PCDH11X: variants seen among roughly 807,000 people sequenced by gnomAD.
The protein encoded by PCDH11X is protocadherin 11 X-linked.
In PCDH11X, 18 loss-of-function variants were observed where a neutral mutation model predicts 53.3. The ratio of observed to expected loss-of-function variants is 0.34; its 90% CI spans 0.23 to 0.50. The LOEUF (loss-of-function observed/expected upper bound fraction) is 0.50, where lower values mean the gene tolerates loss of function less well. Among genes scored for constraint, PCDH11X ranks in the 20% least tolerant of loss-of-function variants. PCDH11X has a pLI of 0.98. For missense variants in PCDH11X, 570 were observed against 1,032.4 expected, an observed-to-expected ratio of 0.55 and a Z score of 6.14; for synonymous variants, 279 against 393.3, an observed-to-expected ratio of 0.71 and a Z score of 3.44.
chrX:91,923,779 A>T (rs1433479146), intron 6 of PCDH11X, among the ~76,000 whole-genome samples: 2 of 111,266 alleles, frequency 1.8e-5, no homozygotes, highest in East Asian at 5.7e-4. Context: ...TCCTAAGTGG[A>T]TTAATGCAAG....
At chrX:92,482,575 G>C (rs991222585) in intron 10 of PCDH11X, among the ~76,000 whole-genome samples, 31 of 111,464 alleles carry the variant, frequency 2.8e-4, no homozygotes, top group African/African-American at 1.0e-3. Flanking sequence ...AACTAAATCT[G>C]GTTTGTCTTT....
chrX:92,274,815 T>C (rs1262327250), intron 8 of PCDH11X, among the ~76,000 whole-genome samples: 1 of 110,309 alleles, frequency 9.1e-6, no homozygotes, highest in Non-Finnish European at 1.9e-5. Flanking sequence ...CTGGTAGAAC[T>C]GCCATCAATA....
intron 7 of PCDH11X, among the ~76,000 whole-genome samples, chrX:92,227,536 A>G (rs5984913): frequency 0.067 from 7,475 of 111,246 alleles, 330 homozygotes; most frequent in East Asian, 0.19. Flanking sequence ...GTTCCTGCAA[A>G]TAAAATCTCC....
intron 8 of PCDH11X, among the ~76,000 whole-genome samples, chrX:92,274,451 C>A (rs1286767237): frequency 2.7e-5 from 3 of 111,045 alleles, no homozygotes; most frequent in African/African-American, 9.9e-5. Flanking sequence ...TTATGTCTGA[C>A]AGAACGGAAG....
At chrX:92,378,075 A>G (rs1242634635) in intron 8 of PCDH11X, among the ~76,000 whole-genome samples, 1 of 105,842 alleles carries the variant, frequency 9.4e-6, no homozygotes, top group Non-Finnish European at 2.0e-5. Context: ...TTTGATCTAC[A>G]AAGAGGGTAT....
At chrX:91,952,207 A>G (rs2061648926) in intron 6 of PCDH11X, among the ~76,000 whole-genome samples, 1 of 111,031 alleles carries the variant, frequency 9.0e-6, no homozygotes, top group African/African-American at 3.3e-5. Context: ...ATTGCTTTTT[A>G]TTTTAATTGG....
chrX:92,401,916 T>A (rs1603301004), intron 9 of PCDH11X, among the ~76,000 whole-genome samples: 1 of 112,325 alleles, frequency 8.9e-6, no homozygotes, highest in East Asian at 2.8e-4. Flanking sequence ...TTTAAAGAGA[T>A]ATAATCATTT....
chrX:92,175,231 C>A (rs747645623), intron 6 of PCDH11X, among the ~76,000 whole-genome samples: 12 of 111,596 alleles, frequency 1.1e-4, no homozygotes, highest in Non-Finnish European at 1.9e-5. Flanking sequence ...CCCGCCTCGG[C>A]CTCCCAAAGT....
intron 8 of PCDH11X, among the ~76,000 whole-genome samples, chrX:92,355,683 G>T (rs2070189247): frequency 9.4e-6 from 1 of 106,789 alleles, no homozygotes; most frequent in Non-Finnish European, 1.9e-5. Context: ...TATCATAGGA[G>T]CTATTATAGA....
chrX:91,868,907 G>A (rs1345981099), intron 5 of PCDH11X, among the ~76,000 whole-genome samples: 1 of 111,249 alleles, frequency 9.0e-6, no homozygotes, highest in Non-Finnish European at 1.9e-5. Context: ...TGTTCTTAAA[G>A]GACCTTTTTA....
intron 6 of PCDH11X, among the ~76,000 whole-genome samples, chrX:92,103,465 G>A (rs1296854836): frequency 9.0e-6 from 1 of 111,372 alleles, no homozygotes; most frequent in East Asian, 2.8e-4. Context: ...CGGCGTCCGT[G>A]ATGGTCTACG....
At chrX:92,540,359 G>A (rs758693014) in intron 10 of PCDH11X, among the ~76,000 whole-genome samples, 6 of 108,734 alleles carry the variant, frequency 5.5e-5, no homozygotes, top group East Asian at 2.9e-4. Context: ...CCCATAAGGC[G>A]TTCTGCCACA....
chrX:92,072,846 G>A (rs1168413353), intron 6 of PCDH11X, among the ~76,000 whole-genome samples: 2 of 110,698 alleles, frequency 1.8e-5, no homozygotes, highest in African/African-American at 3.3e-5. Context: ...GCTCTAAGTC[G>A]AGCCTAGCAC....
chrX:92,466,305 G>A (rs2073156250), intron 9 of PCDH11X, among the ~76,000 whole-genome samples: 1 of 110,464 alleles, frequency 9.1e-6, no homozygotes, highest in Admixed American at 9.7e-5. Flanking sequence ...CAGTGTTGAT[G>A]CTTTAAAAAT....
At chrX:91,916,530 T>C (rs1602488643) in intron 6 of PCDH11X, among the ~76,000 whole-genome samples, 1 of 110,833 alleles carries the variant, frequency 9.0e-6, no homozygotes, top group Middle Eastern at 4.6e-3. Flanking sequence ...TCATTCAAGG[T>C]TACTATGAAC....
Position 92,069,946 on chromosome X carries a change from C to T in PCDH11X, c.3034-131429C>T, listed in dbSNP as rs777010794. ...ATCTGCCTGCCTCGGCCTCCCAAAG[C>T]GCTAGCCAGGATTACAGTCTTGAGC... On this transcript the variant is annotated intron_variant, in intron 6 of 10. Coordinates refer to ENST00000682573, the MANE Select transcript of PCDH11X (RefSeq NM_032968.5). Among the ~76,000 whole-genome samples the T allele has an allele frequency of 1.7e-4, 19 of 111,132 alleles. No homozygotes were observed. In the East Asian group the frequency reaches 2.3e-3, roughly 13 times the overall value.
Position 92,039,481 on chromosome X carries a change from C to T in PCDH11X, c.3033+160208C>T, listed in dbSNP as rs2063177729. Among the ~76,000 whole-genome samples, 2 of 110,036 alleles carry T rather than the reference C, an allele frequency of 1.8e-5. 1 individual carries two copies. The highest frequency in any genetic ancestry group is 7.9e-4 in the South Asian group (2 of 2,524). ...CTTTTCACAGGCAGAGGAGCCTCTC[C>T]CAGTGGACACCACCACCACCAGCCC... On this transcript the variant is annotated intron_variant, in intron 6 of 10. Transcript: ENST00000682573.
At chrX:92,427,265 TAA>T (rs1339344805) in intron 9 of PCDH11X, among the ~76,000 whole-genome samples, 1 of 105,392 alleles carries the variant, frequency 9.5e-6, no homozygotes, top group East Asian at 3.0e-4. Context: ...CTAAAAGCAT[TAA>T]GTTTCCAAAT....
chrX:92,039,925 A>G (rs2063185274), intron 6 of PCDH11X, among the ~76,000 whole-genome samples: 1 of 102,532 alleles, frequency 9.8e-6, no homozygotes, highest in Non-Finnish European at 1.9e-5. Context: ...TTATGCCACA[A>G]TTGTGTCCTT....
Sources: gnomAD v4.1 joint callset for allele counts (sites outside exome capture counted in the v4.1 genomes callset) on GRCh38, gnomAD v4.1.1 for gene constraint, MANE v1.5 for transcripts, NCBI Gene and HGNC (gene_info 2026-07-23, HGNC 2026-07-21) for gene names.